PRDM15: variants seen among roughly 807,000 people sequenced by gnomAD.
PRDM15 encodes the protein PR domain zinc finger protein 15.
In PRDM15, 64 loss-of-function variants were observed where a neutral mutation model predicts 128.6. The observed-to-expected ratio is 0.50, with a 90% CI of 0.41 to 0.61. PRDM15 has a LOEUF of 0.61. Among genes scored for constraint, PRDM15 ranks in the 20% least tolerant of loss-of-function variants. The pLI is 0.00. For synonymous variants in PRDM15, 615 were observed against 621.8 expected, an observed-to-expected ratio of 0.99 and a Z score of 0.16; for missense variants, 1,242 against 1,569.1, an observed-to-expected ratio of 0.79 and a Z score of 3.52.
intron 17 of PRDM15, 77 bp downstream of exon 17, chr21:41,820,018 C>T (rs533234248): frequency 2.2e-5 from 27 of 1,231,736 alleles, no homozygotes; most frequent in South Asian, 1.7e-4. Flanking sequence ...GTGTAGAATA[C>T]GCGGAGACCC....
At chr21:41,836,087 A>T in intron 10 of PRDM15, 26 bp downstream of exon 10, 1 of 1,554,324 alleles carries the variant, frequency 6.4e-7, no homozygotes, top group African/African-American at 1.4e-5. Context: ...AACTGGGAAG[A>T]GAACCCTGGG....
At chr21:41,818,168 AAG>A (rs1169444124) in intron 18 of PRDM15, among the ~76,000 whole-genome samples, 1 of 152,158 alleles carries the variant, frequency 6.6e-6, no homozygotes, top group African/African-American at 2.4e-5. Context: ...TTGGGGAGGA[AAG>A]GGGAGGAGCA....
chr21:41,832,451 C>T lies in PRDM15; in HGVS notation c.1366+2986G>A, dbSNP rs563236463. On this transcript the variant is annotated intron_variant, in intron 11 of 23. Coordinates refer to ENST00000398548, the MANE Select transcript of PRDM15 (RefSeq NM_001040424.3). This position sits in a 1 kb window ranked among gnomAD's most constrained non-coding sequence, Gnocchi z 4.2. Reference sequence around the variant, plus strand: ...TCGGATCACCACAGGCCACACCTTACAGCACTGTGGCATCAGATCACCACA... The same window carrying T: ...TCGGATCACCACAGGCCACACCTTATAGCACTGTGGCATCAGATCACCACA... 6.6e-6 allele frequency among the ~76,000 whole-genome samples: 1 copy of T among 152,138 alleles called. No homozygotes were observed. The highest frequency in any genetic ancestry group is 6.5e-5 in the Admixed American group (1 of 15,288).
At chr21:41,818,267 G>A (rs972484686) in intron 18 of PRDM15, among the ~76,000 whole-genome samples, 7 of 152,188 alleles carry the variant, frequency 4.6e-5, no homozygotes, top group African/African-American at 7.2e-5. Context: ...CACTGCTACC[G>A]ACATTCTGTT....
rs553054364 is a variant in PRDM15 at position 41,804,722 on chromosome 21, C to T, written c.2653-108G>A. 369 of 747,702 alleles carry T rather than the reference C, an allele frequency of 4.9e-4. 4 individuals are homozygous for T. In the East Asian group the frequency reaches 0.011, roughly 22 times the overall value. 46.3% of individuals were successfully genotyped at this position (747,702 alleles called of 1,614,324 possible). ...CCACCTCCACCACTCCTGCCCTTCC[C>T]TCCCAGGCATCCCCCGCACTTCCCA... On this transcript the variant is annotated intron_variant, in intron 21 of 23. Transcript: ENST00000398548.
At position 41,821,519 on chromosome 21, in the gene PRDM15, G is replaced by A. The variant is rs2062264241; in HGVS notation, c.1897-289C>T. Among the ~76,000 whole-genome samples the A allele has an allele frequency of 1.3e-5, 2 of 152,132 alleles. No homozygotes were observed. The highest frequency in any genetic ancestry group is 2.1e-4 in the South Asian group (1 of 4,826). On this transcript the variant is annotated intron_variant, in intron 15 of 23. Transcript: ENST00000398548. This position sits in a 1 kb window ranked among gnomAD's most constrained non-coding sequence, Gnocchi z 5.4. ...CTCGTGAGGGCTTCAGGCCTCAGCA[G>A]GGAGGAGGAGGGGGAGGAGAGAAGG...
rs115330392 is a variant in PRDM15, at chr21:41,828,713, T to C, written c.1367-380A>G. On this transcript the variant is annotated intron_variant, in intron 11 of 23. Coordinates refer to ENST00000398548, the MANE Select transcript of PRDM15 (RefSeq NM_001040424.3). This position sits in a 1 kb window ranked among gnomAD's most constrained non-coding sequence, Gnocchi z 5.7. ...CCACCCAGCATGACTGACTGACAGA[T>C]AGAATGACCTACCTACCAACCAACC... Among the ~76,000 whole-genome samples the C allele has an allele frequency of 1.7e-3, 265 of 151,790 alleles. 1 individual carries two copies. The highest frequency in any genetic ancestry group is 7.7e-3 in the South Asian group (37 of 4,822).
At chr21:41,838,479 T>C (rs967781349) in intron 7 of PRDM15, among the ~76,000 whole-genome samples, 11 of 152,182 alleles carry the variant, frequency 7.2e-5, no homozygotes, top group African/African-American at 2.7e-4. Flanking sequence ...TAGCTAACCA[T>C]TTTGTATAAG....
intron 1 of PRDM15, among the ~76,000 whole-genome samples, chr21:41,873,424 G>C (rs1336935237): frequency 6.6e-6 from 1 of 152,190 alleles, no homozygotes; most frequent in African/African-American, 2.4e-5. Context: ...GGACTCCATG[G>C]TCCGTCAGCT....
At chr21:41,867,848 G>C (rs1211242051) in intron 1 of PRDM15, among the ~76,000 whole-genome samples, 1 of 152,088 alleles carries the variant, frequency 6.6e-6, no homozygotes, top group Admixed American at 6.5e-5. Flanking sequence ...CCTGAGGTCA[G>C]GAGTTCAAGA....
At chr21:41,820,310 G>A (rs2062209496) in intron 16 of PRDM15, 136 bp from the exon 17 acceptor site, 1 of 680,894 alleles carries the variant, frequency 1.5e-6, no homozygotes, top group South Asian at 1.7e-5. Context: ...GCAGATATTT[G>A]AGCCTCTGCC....
chr21:41,826,096 A>T, intron 12 of PRDM15, 42 bp from the exon 13 acceptor site: 1 of 1,492,388 alleles, frequency 6.7e-7, no homozygotes, highest in Non-Finnish European at 9.4e-7. Context: ...GAATACACAT[A>T]GAACACGCGA....
chr21:41,801,740 A>G lies in PRDM15; in HGVS notation c.2944-18T>C. 1 of 1,598,264 alleles carries G rather than the reference A, an allele frequency of 6.3e-7. No individual in the cohort carries two copies. Among genetic ancestry groups the G allele is most frequent in the Non-Finnish European group, 8.6e-7 (1 of 1,168,276 alleles). ...ACCACTACCTGGAAGATTCACACAC[A>G]ACAAAAATCCGTTCATTTTTGCAAA... On this transcript the variant is annotated intron_variant, in intron 23 of 23. Transcript: ENST00000398548.
chr21:41,874,151 T>G (rs1378690953), intron 1 of PRDM15, among the ~76,000 whole-genome samples: 2 of 151,120 alleles, frequency 1.3e-5, no homozygotes, highest in African/African-American at 4.9e-5. Context: ...GTCCTGTGTT[T>G]GCTTAATTTA....
intron 1 of PRDM15, among the ~76,000 whole-genome samples, chr21:41,864,960 GC>G (rs942811425): frequency 1.4e-5 from 2 of 139,468 alleles, no homozygotes; most frequent in Non-Finnish European, 3.0e-5. Flanking sequence ...CCACATGCTC[GC>G]CCCCCAAGGC....
intron 21 of PRDM15, among the ~76,000 whole-genome samples, chr21:41,808,074 G>A (rs543239036): frequency 2.3e-4 from 35 of 152,250 alleles, no homozygotes; most frequent in Middle Eastern, 3.4e-3. Context: ...TCAAAACTCC[G>A]GTGTACAAAA....
chr21:41,810,784 G>A lies in PRDM15; in HGVS notation c.2445C>T (p.Asn815=). 1 of 1,614,128 alleles carries A rather than the reference G, an allele frequency of 6.2e-7. No homozygotes were observed. The highest frequency in any genetic ancestry group is 8.5e-7 in the Non-Finnish European group (1 of 1,180,018). The change falls in exon 20 of 24, where the codon AAC becomes AAT. Residue 815 remains asparagine, a synonymous_variant. Coordinates refer to ENST00000398548, the MANE Select transcript of PRDM15 (RefSeq NM_001040424.3). The surrounding 1 kb of genome is among the most constrained non-coding windows in gnomAD (Gnocchi z 6.4). ...GGATGAGCTTGTGGGTCTCCATGGT[G>A]TTCCTCTCGCTGAATGTCTTCCCAC... ...ELCGKTFSER[N]TMETHKLIHT...
At position 41,820,110 on chromosome 21, in the gene PRDM15, T is replaced by C. The variant is rs771505362; in HGVS notation, c.2125A>G (p.Lys709Glu). ...AGACACGCACCTGTGTGGATGAGCT[T>C]GTGGCGCTCCAGGTTCCCGATGCTG... ...FNSIGNLERH[K>E]LIHTGVKSHA... is the part of the protein sequence containing the mutation. The change falls in exon 17 of 24, where the codon AAG (lysine) becomes GAG (glutamate). Residue 709 changes from lysine (K) to glutamate (E), a missense_variant. Coordinates refer to ENST00000398548, the MANE Select transcript of PRDM15 (RefSeq NM_001040424.3). 6.2e-7 allele frequency: 1 copy of C among 1,613,818 alleles called. No homozygotes were observed. The highest frequency in any genetic ancestry group is 1.1e-5 in the South Asian group (1 of 91,070).
In PRDM15 at chr21:41,847,603, G is replaced by A. The variant is rs139924827; in HGVS notation, c.539-412C>T. 5.7e-3 allele frequency among the ~76,000 whole-genome samples: 866 copies of A among 152,220 alleles called. 6 individuals are homozygous for A. Among genetic ancestry groups the A allele is most frequent in the African/African-American group, 0.02 (817 of 41,544 alleles). On this transcript the variant is annotated intron_variant, in intron 5 of 23. Coordinates refer to ENST00000398548, the MANE Select transcript of PRDM15 (RefSeq NM_001040424.3). Reference sequence around the variant, plus strand: ...AATAAGAGACAGTGGAACCCCAAACGGCCAGCCAGTGGCGCCCCCGTGTGT... The same window carrying A: ...AATAAGAGACAGTGGAACCCCAAACAGCCAGCCAGTGGCGCCCCCGTGTGT...
Sources: allele counts gnomAD v4.1 joint callset (sites outside exome capture counted in the v4.1 genomes callset), GRCh38; gene constraint gnomAD v4.1.1; non-coding constraint Gnocchi (gnomAD v3.1); transcripts MANE v1.5; gene names NCBI Gene and HGNC (gene_info 2026-07-23, HGNC 2026-07-21).